The following KIAA2012 variants were observed in gnomAD, a reference collection of about 807,000 sequenced individuals.
KIAA2012 encodes the protein uncharacterized protein KIAA2012.
In KIAA2012, 125 loss-of-function variants were observed where a neutral mutation model predicts 150.6. The observed-to-expected ratio is 0.83, with a 90% confidence interval of 0.72 to 0.96. The LOEUF is 0.96. Ranked by LOEUF, KIAA2012 falls within the 40% of genes least tolerant of loss-of-function variation. KIAA2012 has a pLI of 0.00. For missense variants in KIAA2012, 1,219 were observed against 1,354.9 expected, an observed-to-expected ratio of 0.90 and a Z score of 1.57; for synonymous variants, 462 against 504.7, an observed-to-expected ratio of 0.92 and a Z score of 1.13.
rs537865435 is a variant in KIAA2012, at chr2:202,153,092, C to A, written c.1909-1581C>A. Among the ~76,000 whole-genome samples, 9 of 152,360 alleles carry A rather than the reference C, an allele frequency of 5.9e-5. No individual in the cohort carries two copies. In the South Asian group the frequency reaches 1.9e-3, roughly 32 times the overall value. On this transcript the variant is annotated intron_variant, in intron 13 of 23. Coordinates refer to ENST00000498697, the MANE Select transcript of KIAA2012 (RefSeq NM_001277372.4). ...CATACTTCCTGTAAAGGTATCTTCACTGCTCCCTCCTCCTTTGAATTGAGG... is the reference window on the plus strand; with the variant it reads ...CATACTTCCTGTAAAGGTATCTTCAATGCTCCCTCCTCCTTTGAATTGAGG...
chr2:202,084,442 T>C (rs7597172), intron 2 of KIAA2012, among the ~76,000 whole-genome samples: 45,870 of 152,124 alleles, frequency 0.3, 7,353 homozygotes, highest in East Asian at 0.38. Flanking sequence ...GGAAGGCAAC[T>C]GGCCAGAGCA....
intron 12 of KIAA2012, among the ~76,000 whole-genome samples, chr2:202,127,324 G>A (rs1429134105): frequency 6.6e-6 from 1 of 152,222 alleles, no homozygotes; most frequent in East Asian, 1.9e-4. Flanking sequence ...TGAAACTTCA[G>A]AGAGGTGAAT....
intron 17 of KIAA2012, 130 bp downstream of exon 17, chr2:202,187,228 TC>T: frequency 2.0e-6 from 2 of 1,010,576 alleles, no homozygotes; most frequent in Non-Finnish European, 2.8e-6. Flanking sequence ...GGCACTGAGG[TC>T]CAGCCTGTGG....
chr2:202,095,709 C>T (rs1393066923), intron 4 of KIAA2012, among the ~76,000 whole-genome samples: 3 of 152,156 alleles, frequency 2.0e-5, no homozygotes, highest in Admixed American at 2.0e-4. Flanking sequence ...TCAAACTCAC[C>T]TGGGATATTA....
chr2:202,082,543 C>G (rs932140542), intron 2 of KIAA2012, among the ~76,000 whole-genome samples: 1 of 151,834 alleles, frequency 6.6e-6, no homozygotes, highest in Admixed American at 6.6e-5. Flanking sequence ...TTGCAGTGAG[C>G]CAAGATCGTG....
At chr2:202,191,569 A>G (rs999994125) in intron 19 of KIAA2012, among the ~76,000 whole-genome samples, 6 of 151,890 alleles carry the variant, frequency 4.0e-5, no homozygotes, top group African/African-American at 1.4e-4. Flanking sequence ...AAAAAAGAAA[A>G]AAAAGAAAAA....
intron 19 of KIAA2012, 42 bp from the exon 20 acceptor site, chr2:202,193,259 G>T: frequency 6.5e-7 from 1 of 1,530,956 alleles, no homozygotes; most frequent in South Asian, 1.2e-5. Context: ...TGCTGAGACA[G>T]ACCCATCTGT....
At chr2:202,098,050 T>G (rs1689939789) in intron 5 of KIAA2012, among the ~76,000 whole-genome samples, 1 of 152,208 alleles carries the variant, frequency 6.6e-6, no homozygotes. Flanking sequence ...ACTGTAGCAT[T>G]GCAAGATGCT....
rs1690746466 is a variant in KIAA2012 at position 202,125,052 on chromosome 2, A to G, written c.1763-162A>G. 1.3e-5 allele frequency among the ~76,000 whole-genome samples: 2 copies of G among 152,268 alleles called. 1 individual carries two copies. Among genetic ancestry groups the G allele is most frequent in the Admixed American group, 1.3e-4 (2 of 15,286 alleles). Reference sequence around the variant, plus strand: ...GCCACTGCACTATAGCGTGGGCAGCAGAAAGAGACTCCATCTCAAAAATTT... The same window carrying G: ...GCCACTGCACTATAGCGTGGGCAGCGGAAAGAGACTCCATCTCAAAAATTT... On this transcript the variant is annotated intron_variant, in intron 11 of 23. Coordinates refer to ENST00000498697, the MANE Select transcript of KIAA2012 (RefSeq NM_001277372.4).
chr2:202,157,017 T>C (rs529334118), intron 14 of KIAA2012, among the ~76,000 whole-genome samples: 1 of 152,332 alleles, frequency 6.6e-6, no homozygotes, highest in South Asian at 2.1e-4. Flanking sequence ...CACAGTATTA[T>C]AGAAGGAAAA....
At chr2:202,110,577 T>A (rs1690320213) in intron 10 of KIAA2012, among the ~76,000 whole-genome samples, 1 of 152,140 alleles carries the variant, frequency 6.6e-6, no homozygotes. Context: ...GGAGATGACA[T>A]GTGTTTGGGG....
At chr2:202,198,737 G>A (rs1051765623) in intron 22 of KIAA2012, among the ~76,000 whole-genome samples, 3 of 152,114 alleles carry the variant, frequency 2.0e-5, no homozygotes, top group East Asian at 1.9e-4. Context: ...GCACAACCCC[G>A]AAAACCGTGT....
At chr2:202,101,007 A>G (rs1222064186) in intron 7 of KIAA2012, among the ~76,000 whole-genome samples, 1 of 152,154 alleles carries the variant, frequency 6.6e-6, no homozygotes, top group Non-Finnish European at 1.5e-5. Flanking sequence ...TGGAGGCACC[A>G]GTGATGAATG....
At chr2:202,076,962 A>T (rs775718464) in intron 2 of KIAA2012, 2 of 456,670 alleles carry the variant, frequency 4.4e-6, no homozygotes, top group Admixed American at 2.3e-5. Flanking sequence ...CGCTGGAAAG[A>T]GATTGGAGAG....
At chr2:202,174,844 T>C (rs1691959858) in intron 15 of KIAA2012, among the ~76,000 whole-genome samples, 1 of 152,228 alleles carries the variant, frequency 6.6e-6, no homozygotes, top group African/African-American at 2.4e-5. Flanking sequence ...ATGTGCACAA[T>C]GTGCAGGTTA....
chr2:202,143,716 A>G lies in KIAA2012; in HGVS notation c.1908+5208A>G, dbSNP rs75022426. ...TGAACGGGGTCAACACCATAGCACC[A>G]TTATTTTTTAGCAAATTATCATTGG... On this transcript the variant is annotated intron_variant, in intron 13 of 23. Transcript: ENST00000498697. Among the ~76,000 whole-genome samples, 469 of 152,350 alleles carry G rather than the reference A, an allele frequency of 3.1e-3. 3 individuals carry two copies. The highest frequency in any genetic ancestry group is 9.6e-3 in the African/African-American group (401 of 41,590).
At position 202,099,715 on chromosome 2, in the gene KIAA2012, G is replaced by T. The variant is rs747893606; in HGVS notation, c.931G>T (p.Asp311Tyr). The T allele has an allele frequency of 3.4e-5, 52 of 1,550,488 alleles. No individual in the cohort carries two copies. The African/African-American group carries it at 5.6e-4, about 17-fold the overall frequency. The change falls in exon 6 of 24, where the codon GAT becomes TAT. Residue 311 changes from aspartate to tyrosine, a missense_variant. Physicochemically the swap from Asp to Tyr is radical, Grantham distance 160. Transcript: ENST00000498697. ...GAAGGCCTTTGGGCATGGCCGCATC[G>T]ATCACTCTTGGCTCCCAAGTGACAA... ...SRKAFGHGRIDHSWLPSDKSH... is the reference protein window; with the variant it reads ...SRKAFGHGRIYHSWLPSDKSH...
intron 3 of KIAA2012, among the ~76,000 whole-genome samples, chr2:202,092,278 A>G (rs1288079789): frequency 6.6e-6 from 1 of 152,196 alleles, no homozygotes; most frequent in Non-Finnish European, 1.5e-5. Context: ...AATCTGGTGT[A>G]AGCCCATCAG....
chr2:202,195,535 A>G (rs549285994), intron 21 of KIAA2012, among the ~76,000 whole-genome samples: 1 of 152,232 alleles, frequency 6.6e-6, no homozygotes, highest in East Asian at 1.9e-4. Flanking sequence ...AAAAAAAGAA[A>G]AAAGAAAAAA....
Sources: gnomAD v4.1 joint callset for allele counts (sites outside exome capture counted in the v4.1 genomes callset) on GRCh38, gnomAD v4.1.1 for gene constraint, MANE v1.5 for transcripts, NCBI Gene and HGNC (gene_info 2026-07-23, HGNC 2026-07-21) for gene names.